ABR: variants seen among roughly 807,000 people sequenced by gnomAD.
ABR encodes active breakpoint cluster region-related protein.
Under a neutral mutation model 107.2 loss-of-function variants are expected in ABR, and 35 were observed. The observed-to-expected ratio is 0.33, with a 90% CI of 0.25 to 0.43. The LOEUF is 0.43. Ranked by LOEUF, ABR falls within the 20% of genes least tolerant of loss-of-function variation. The probability of loss-of-function intolerance (pLI) is 1.00; values close to 1 mark genes in which losing one functional copy is unlikely to be tolerated. For synonymous variants in ABR, 498 were observed against 462.0 expected, an observed-to-expected ratio of 1.08 and a Z score of -1.00; for missense variants, 815 against 1,115.2, an observed-to-expected ratio of 0.73 and a Z score of 3.83.
At chr17:1,162,839 T>C (rs894447774) in intron 1 of ABR, among the ~76,000 whole-genome samples, 13 of 152,272 alleles carry the variant, frequency 8.5e-5, no homozygotes, top group African/African-American at 3.1e-4. Flanking sequence ...TTTGGGAGGC[T>C]GAGGCAGGTG....
intron 4 of ABR, among the ~76,000 whole-genome samples, chr17:1,089,773 G>A (rs922476986): frequency 1.2e-4 from 18 of 152,206 alleles, no homozygotes; most frequent in Non-Finnish European, 1.9e-4. Flanking sequence ...CAGCCTGGCC[G>A]ACATGGCGAA....
At chr17:1,226,600 A>G (rs2043221703) in intron 1 of ABR, among the ~76,000 whole-genome samples, 1 of 150,068 alleles carries the variant, frequency 6.7e-6, no homozygotes, top group Non-Finnish European at 1.5e-5. Flanking sequence ...CACTGTGCAC[A>G]TGTACATATG....
intron 1 of ABR, among the ~76,000 whole-genome samples, chr17:1,194,348 C>T (rs1380840415): frequency 1.1e-4 from 16 of 151,626 alleles, no homozygotes; most frequent in Admixed American, 1.1e-3. Context: ...CCACCACGCC[C>T]AGCTATTTTT....
intron 9 of ABR, among the ~76,000 whole-genome samples, chr17:1,069,535 G>C (rs564576500): frequency 2.8e-4 from 43 of 152,194 alleles, no homozygotes; most frequent in African/African-American, 1.0e-3. Context: ...ATGGTGGCAT[G>C]GTGGCGTGCA....
chr17:1,152,793 C>T (rs1026131794), intron 1 of ABR, among the ~76,000 whole-genome samples: 2 of 150,924 alleles, frequency 1.3e-5, no homozygotes, highest in African/African-American at 4.9e-5. Context: ...ACGTGGTTAA[C>T]AAAAAAAATT....
intron 1 of ABR, among the ~76,000 whole-genome samples, chr17:1,177,542 G>A (rs902109423): frequency 1.3e-5 from 2 of 152,192 alleles, no homozygotes; most frequent in African/African-American, 4.8e-5. Context: ...TTTTCAAGGT[G>A]GCCTCAGGCA....
At chr17:1,023,072 G>A (rs369194324) in intron 16 of ABR, among the ~76,000 whole-genome samples, 103 of 151,450 alleles carry the variant, frequency 6.8e-4, no homozygotes, top group South Asian at 3.1e-3. Flanking sequence ...CAGCGCCTCT[G>A]CCGGCCCCAC....
intron 1 of ABR, among the ~76,000 whole-genome samples, chr17:1,152,784 C>T (rs768614329): frequency 2.6e-5 from 4 of 151,968 alleles, no homozygotes; most frequent in African/African-American, 4.8e-5. Context: ...AGCTTTGTCA[C>T]GTGGTTAACA....
At chr17:1,125,826 A>G in intron 1 of ABR, 1 of 175,752 alleles carries the variant, frequency 5.7e-6, no homozygotes. Flanking sequence ...TACCATTTGT[A>G]CTGAGCCCAC....
At chr17:1,031,591 C>A in intron 16 of ABR, 1 of 1,223,560 alleles carries the variant, frequency 8.2e-7, no homozygotes, top group Non-Finnish European at 1.0e-6. Flanking sequence ...CCAGCCCCCG[C>A]GGGCACCTTG....
intron 1 of ABR, among the ~76,000 whole-genome samples, chr17:1,147,266 G>A (rs1296502663): frequency 6.6e-6 from 1 of 152,184 alleles, no homozygotes; most frequent in Non-Finnish European, 1.5e-5. Flanking sequence ...ACCACGGGGA[G>A]CAGAGCCCCC....
intron 1 of ABR, among the ~76,000 whole-genome samples, chr17:1,220,987 C>T (rs2043110510): frequency 1.3e-5 from 2 of 152,136 alleles, no homozygotes; most frequent in Admixed American, 1.3e-4. Context: ...TTGCACAGGG[C>T]CGTGGCTCCG....
At chr17:1,103,182 A>G (rs1278466558) in intron 2 of ABR, among the ~76,000 whole-genome samples, 1 of 152,076 alleles carries the variant, frequency 6.6e-6, no homozygotes, top group Admixed American at 6.6e-5. Context: ...GAGCTTAGCT[A>G]TCTTTGTGGT....
chr17:1,220,259 C>G (rs1385726584), intron 1 of ABR, among the ~76,000 whole-genome samples: 2 of 151,714 alleles, frequency 1.3e-5, no homozygotes, highest in African/African-American at 4.9e-5. Context: ...CCACTGCACT[C>G]CAGCCTGGGC....
intron 6 of ABR, among the ~76,000 whole-genome samples, chr17:1,076,723 T>TGGGGGG (rs2035755843): frequency 7.8e-5 from 1 of 12,896 alleles, no homozygotes; most frequent in Non-Finnish European, 1.8e-4. Flanking sequence ...ACGGGGGGGG[T>TGGGGGG]GGGGGTGGGG....
chr17:1,067,092 A>T lies in ABR; in HGVS notation c.1167T>A (p.Ser389Arg). The change falls in exon 10 of 23, where the codon AGT becomes AGA. Residue 389 changes from serine (S) to arginine (R), a missense_variant. Physicochemically the swap from Ser to Arg is moderately radical, Grantham distance 110 (BLOSUM62 -1). This residue lies in a region of ABR where 385 missense variants were observed against 596.9 expected (regional missense o/e 0.64). Coordinates refer to ENST00000302538, the MANE Select transcript of ABR (RefSeq NM_021962.5). Reference sequence around the variant, plus strand: ...CTCTGCTCACCTCCTTCTGGATTTCACTCTTGAGGGCAGAGATCTTCATCT... The same window carrying T: ...CTCTGCTCACCTCCTTCTGGATTTCTCTCTTGAGGGCAGAGATCTTCATCT... ...DMKMKISALK[S>R]EIQKEKANKG... The T allele has an allele frequency of 6.2e-7, 1 of 1,612,712 alleles. No individual in the cohort carries two copies. The highest frequency in any genetic ancestry group is 2.2e-5 in the East Asian group (1 of 44,826).
Position 1,121,734 on chromosome 17 carries a change from G to A in ABR, c.246+3449C>T, listed in dbSNP as rs1454367381. ...CTGAGAGCTGCTCACAGTGGGATGG[G>A]AGCTGAGTCCCCAAGGCAGGGCTCT... On this transcript the variant is annotated intron_variant, in intron 2 of 22. Transcript: ENST00000302538. Among the ~76,000 whole-genome samples, 45 of 149,960 alleles carry A rather than the reference G, an allele frequency of 3.0e-4. No individual in the cohort carries two copies. The East Asian group carries it at 8.9e-3, about 30-fold the overall frequency.
At chr17:1,171,442 G>C (rs1260856924) in intron 1 of ABR, among the ~76,000 whole-genome samples, 1 of 152,164 alleles carries the variant, frequency 6.6e-6, no homozygotes, top group East Asian at 1.9e-4. Flanking sequence ...GATGCCCCGG[G>C]GAGTCCAGCA....
rs999761738 is a variant in ABR at position 1,027,234 on chromosome 17, C to T, written c.1792-14070G>A. On this transcript the variant is annotated intron_variant, in intron 16 of 22. Transcript: ENST00000302538. The surrounding 1 kb of genome is among the most constrained non-coding windows in gnomAD (Gnocchi z 4.7). ...CCATCCAAAAGCTGGGGCACCGCGC[C>T]CAGCACCGCTGGCTGGCCAAGCCGT... 6.6e-6 allele frequency among the ~76,000 whole-genome samples: 1 copy of T among 152,174 alleles called. No individual in the cohort carries two copies. The highest frequency in any genetic ancestry group is 2.4e-5 in the African/African-American group (1 of 41,446).
Sources: gnomAD v4.1 joint callset for allele counts (sites outside exome capture counted in the v4.1 genomes callset) on GRCh38, gnomAD v4.1.1 for gene constraint, gnomAD v4.1.1 regional missense constraint, Gnocchi (gnomAD v3.1) non-coding constraint, MANE v1.5 for transcripts, NCBI Gene and HGNC (gene_info 2026-07-23, HGNC 2026-07-21) for gene names.